The following ADD3 variants were observed in gnomAD, a reference collection of about 807,000 sequenced individuals.
ADD3 encodes gamma-adducin.
A neutral mutation model predicts 80.2 loss-of-function variants in ADD3; 25 were observed. The observed-to-expected ratio is 0.31, with a 90% CI of 0.23 to 0.44. The LOEUF (loss-of-function observed/expected upper bound fraction) is 0.44. ADD3 is among the 20% of genes least tolerant of loss of function. ADD3 has a pLI of 1.00. For synonymous variants in ADD3, 284 were observed against 289.6 expected (o/e 0.98, Z 0.20); for missense variants, 829 against 847.5 (o/e 0.98, Z 0.27).
intron 2 of ADD3, among the ~76,000 whole-genome samples, chr10:110,106,342 G>C (rs555707474): frequency 2.0e-5 from 3 of 151,332 alleles, no homozygotes; most frequent in African/African-American, 7.3e-5. Context: ...AATTTTATCA[G>C]GTCAGGTTTT....
chr10:110,091,734 A>C (rs986644399), intron 1 of ADD3, among the ~76,000 whole-genome samples: 6 of 152,212 alleles, frequency 3.9e-5, no homozygotes, highest in Admixed American at 2.0e-4. Flanking sequence ...TTGCAAAAAA[A>C]CAAAAATAAA....
chr10:110,087,026 AT>A (rs1242984209), intron 1 of ADD3, among the ~76,000 whole-genome samples: 4 of 149,364 alleles, frequency 2.7e-5, no homozygotes, highest in South Asian at 2.1e-4. Flanking sequence ...AGTGGCTTTT[AT>A]TTTTTTTTTA....
intron 1 of ADD3, among the ~76,000 whole-genome samples, chr10:110,037,719 A>G (rs745980715): frequency 1.3e-5 from 2 of 152,134 alleles, no homozygotes; most frequent in South Asian, 2.1e-4. Flanking sequence ...ATTCAGCACT[A>G]TTTTTATGTA....
At chr10:110,008,410 T>G (rs1851895035) in intron 1 of ADD3, 111 bp downstream of exon 1, 1 of 151,630 alleles carries the variant, frequency 6.6e-6, no homozygotes, top group African/African-American at 2.4e-5. Flanking sequence ...CGCGCGGGGG[T>G]AGGGAGCGGC....
At position 110,133,698 on chromosome 10, in the gene ADD3, G is replaced by T; in HGVS notation, c.*80G>T. 1 of 1,203,450 alleles carries T rather than the reference G, an allele frequency of 8.3e-7. No individual in the cohort carries two copies. The highest frequency in any genetic ancestry group is 1.8e-5 in the South Asian group (1 of 55,396). The allele number at this position is 1,203,450 out of a possible 1,614,324, so 74.5% of individuals were successfully genotyped here. ...CCACATTTAAGTTGATCATTAATAT[G>T]CAATGGTAGATCAGATTGGGGGATG... On this transcript the variant is annotated 3_prime_UTR_variant, in exon 15 of 15. Coordinates refer to ENST00000356080, the MANE Select transcript of ADD3 (RefSeq NM_016824.5).
chr10:110,069,626 G>A (rs1844422906), intron 1 of ADD3, among the ~76,000 whole-genome samples: 1 of 151,826 alleles, frequency 6.6e-6, no homozygotes, highest in African/African-American at 2.4e-5. Flanking sequence ...GAGCTCATAG[G>A]GTGTAGTATA....
chr10:110,104,730 A>G (rs1435052189), intron 2 of ADD3, among the ~76,000 whole-genome samples: 1 of 152,246 alleles, frequency 6.6e-6, no homozygotes, highest in Non-Finnish European at 1.5e-5. Context: ...CACTTACTAT[A>G]TGCCAAGCAC....
At position 110,112,924 on chromosome 10, in the gene ADD3, G is replaced by A. The variant is rs1850234037; in HGVS notation, c.334+9G>A. On this transcript the variant is annotated intron_variant, in intron 3 of 14. Coordinates refer to ENST00000356080, the MANE Select transcript of ADD3 (RefSeq NM_016824.5). ...TTCTTCACCTCCTCTCAGTATGTCA[G>A]TTTTGGAGAGTTTTAAACATTATAA... The A allele has an allele frequency of 1.2e-6, 2 of 1,611,378 alleles. No homozygotes were observed. The highest frequency in any genetic ancestry group is 1.7e-6 in the Non-Finnish European group (2 of 1,178,892).
At position 110,116,178 on chromosome 10, in the gene ADD3, C is replaced by T. The variant is rs574432457; in HGVS notation, c.335-81C>T. 5.0e-5 allele frequency: 70 copies of T among 1,404,614 alleles called. 1 individual carries two copies. In the Admixed American group the frequency reaches 5.9e-4, roughly 12 times the overall value. The allele number at this position is 1,404,614 out of a possible 1,614,324, so 87.0% of individuals were successfully genotyped here. A position where few individuals can be genotyped will look rare whatever the true frequency, so the allele number is the denominator to read the frequency against. On this transcript the variant is annotated intron_variant, in intron 3 of 14. Transcript: ENST00000356080. ...TATACAAGGCTGGGATACTCCCAGA[C>T]GCAGGCTACTTCCTGGCAACTAATT...
At chr10:110,086,581 T>C (rs1189624713) in intron 1 of ADD3, among the ~76,000 whole-genome samples, 1 of 152,190 alleles carries the variant, frequency 6.6e-6, no homozygotes, top group East Asian at 1.9e-4. Context: ...TATCTCATGA[T>C]AGAGTTCTCA....
chr10:110,122,537 A>C (rs1851639464), intron 9 of ADD3, among the ~76,000 whole-genome samples: 1 of 152,076 alleles, frequency 6.6e-6, no homozygotes, highest in African/African-American at 2.4e-5. Context: ...TATCTCTTGA[A>C]CTTTTTCCTC....
At chr10:110,020,820 G>A (rs181764160) in intron 1 of ADD3, among the ~76,000 whole-genome samples, 2 of 152,208 alleles carry the variant, frequency 1.3e-5, no homozygotes, top group African/African-American at 4.8e-5. Flanking sequence ...GAAATATGGG[G>A]GTATATGTTG....
chr10:110,061,926 C>T (rs959704181), intron 1 of ADD3, among the ~76,000 whole-genome samples: 3 of 151,934 alleles, frequency 2.0e-5, no homozygotes, highest in Admixed American at 1.3e-4. Context: ...TTTTTACTGT[C>T]AAGAATGCAA....
chr10:110,006,651 G>A (rs1851657408), upstream of ADD3, among the ~76,000 whole-genome samples: 1 of 152,130 alleles, frequency 6.6e-6, no homozygotes, highest in Non-Finnish European at 1.5e-5. Context: ...GAGAGAAAAC[G>A]ATAAATGCAT....
chr10:110,017,991 C>T (rs936363507), intron 1 of ADD3, among the ~76,000 whole-genome samples: 1 of 152,132 alleles, frequency 6.6e-6, no homozygotes, highest in African/African-American at 2.4e-5. Flanking sequence ...CCCAGTCACC[C>T]TTAGGGCTTC....
intron 1 of ADD3, among the ~76,000 whole-genome samples, chr10:110,031,642 T>G (rs1463505613): frequency 6.6e-6 from 1 of 152,126 alleles, no homozygotes; most frequent in Non-Finnish European, 1.5e-5. Context: ...TTAGGATCCT[T>G]AAGTTGTTTT....
rs559907303 is a variant in ADD3, at chr10:110,046,596, G to A, written c.-30+38297G>A. Among the ~76,000 whole-genome samples the A allele has an allele frequency of 3.3e-5, 5 of 152,230 alleles. No homozygotes were observed. In the South Asian group the frequency reaches 8.3e-4, roughly 25 times the overall value. ...CATAAATGTATAGGTTAAATGGAAAGCAATGTTACAAGAGCCAAGGGTATT... is the reference window on the plus strand; with the variant it reads ...CATAAATGTATAGGTTAAATGGAAAACAATGTTACAAGAGCCAAGGGTATT... On this transcript the variant is annotated intron_variant, in intron 1 of 14. Transcript: ENST00000356080.
chr10:110,080,461 G>T (rs1845941376), intron 1 of ADD3, among the ~76,000 whole-genome samples: 1 of 152,150 alleles, frequency 6.6e-6, no homozygotes, highest in Non-Finnish European at 1.5e-5. Context: ...GACCTTCCAT[G>T]TGGCCTAAGC....
At chr10:110,039,442 C>T (rs1856036220) in intron 1 of ADD3, among the ~76,000 whole-genome samples, 2 of 152,084 alleles carry the variant, frequency 1.3e-5, no homozygotes, top group Admixed American at 6.5e-5. Context: ...CAGAGAGTCC[C>T]AGCCACCTGG....
Sources: allele counts gnomAD v4.1 joint callset (sites outside exome capture counted in the v4.1 genomes callset), GRCh38; gene constraint gnomAD v4.1.1; transcripts MANE v1.5; gene names NCBI Gene and HGNC (gene_info 2026-07-23, HGNC 2026-07-21).